Variants in CELF2 observed in about 807,000 individuals in gnomAD.
The protein encoded by CELF2 is CUGBP Elav-like family member 2, also known as CUG triplet repeat RNA-binding protein 2.
A neutral mutation model predicts 62.6 loss-of-function variants in CELF2; 8 were observed. That is an observed-to-expected ratio of 0.13 (90% CI 0.07 to 0.23). CELF2 has a LOEUF of 0.23. CELF2 is among the 10% of genes least tolerant of loss of function. The pLI is 1.00. For missense variants in CELF2, 333 were observed against 671.0 expected (o/e 0.50, Z 5.56); for synonymous variants, 258 against 250.0 (o/e 1.03, Z -0.30).
intron 2 of CELF2, among the ~76,000 whole-genome samples, chr10:11,195,009 A>G (rs1330881709): frequency 6.6e-6 from 1 of 152,152 alleles, no homozygotes; most frequent in African/African-American, 2.4e-5. Context: ...TGTGGCACTC[A>G]TCCCATCTCA....
At chr10:10,835,405 T>C (rs1221035055) in intron 1 of CELF2, among the ~76,000 whole-genome samples, 3 of 149,470 alleles carry the variant, frequency 2.0e-5, no homozygotes, top group Admixed American at 6.7e-5. Flanking sequence ...TTTTCTGATA[T>C]GAAGTTTTGC....
rs1450083973 is a variant in CELF2, at chr10:11,177,150, T to G, written c.271+11468T>G. On this transcript the variant is annotated intron_variant, in intron 2 of 12. Coordinates refer to ENST00000633077, the MANE Select transcript of CELF2 (RefSeq NM_001326342.2). This position sits in a 1 kb window ranked among gnomAD's most constrained non-coding sequence, Gnocchi z 4.8. Reference sequence around the variant, plus strand: ...AGGAAGTAAACATGTTAATACTAGCTTTCATAAATCCCCCTCTCTAAAAAA... The same window carrying G: ...AGGAAGTAAACATGTTAATACTAGCGTTCATAAATCCCCCTCTCTAAAAAA... 6.6e-6 allele frequency among the ~76,000 whole-genome samples: 1 copy of G among 152,138 alleles called. No individual in the cohort carries two copies. The highest frequency in any genetic ancestry group is 1.5e-5 in the Non-Finnish European group (1 of 68,022).
Position 11,212,737 on chromosome 10 carries a change from G to GTTT in CELF2, c.272-4669_272-4667dup, listed in dbSNP as rs11354880. ...AGGATGGTGTTTTTTTGTGTTTTGG[G>GTTT]TTTTTTTTTTTTTTTTTTTTTGCTT... On this transcript the variant is annotated intron_variant, in intron 2 of 12. Coordinates refer to ENST00000633077, the MANE Select transcript of CELF2 (RefSeq NM_001326342.2). 5.4e-3 allele frequency among the ~76,000 whole-genome samples: 492 copies of GTTT among 91,954 alleles called. 7 individuals carry two copies. The highest frequency in any genetic ancestry group is 0.032 in the East Asian group (89 of 2,820). The allele number at this position is 91,954 out of a possible 152,430, so 60.3% of individuals were successfully genotyped here.
At chr10:11,168,018 C>T (rs2067742011) in intron 2 of CELF2, among the ~76,000 whole-genome samples, 1 of 152,178 alleles carries the variant, frequency 6.6e-6, no homozygotes, top group Non-Finnish European at 1.5e-5. Context: ...CAGAGTAGCC[C>T]TGGTGTGCTG....
chr10:11,132,613 GA>G, intron 1 of CELF2, among the ~76,000 whole-genome samples: 1 of 152,228 alleles, frequency 6.6e-6, no homozygotes, highest in African/African-American at 2.4e-5. Flanking sequence ...TTCAATTGCA[GA>G]AAGTTACAGC....
the CELF2 span, among the ~76,000 whole-genome samples, chr10:10,535,155 A>G: frequency 6.6e-6 from 1 of 152,216 alleles, no homozygotes; most frequent in African/African-American, 2.4e-5. Flanking sequence ...ATACTGGCAG[A>G]TGAAATCAAC....
At chr10:11,226,376 G>A (rs1013808308) in intron 3 of CELF2, among the ~76,000 whole-genome samples, 11 of 152,212 alleles carry the variant, frequency 7.2e-5, no homozygotes, top group Admixed American at 2.0e-4. Flanking sequence ...CAGGCTTGCC[G>A]GTCCCGGCAA....
chr10:11,271,638 A>C (rs1001261158), intron 7 of CELF2, among the ~76,000 whole-genome samples: 1 of 152,160 alleles, frequency 6.6e-6, no homozygotes, highest in Non-Finnish European at 1.5e-5. Context: ...TTGGAACATA[A>C]GTGCTGGACT....
At chr10:10,853,392 C>T (rs963115606) in intron 1 of CELF2, among the ~76,000 whole-genome samples, 7 of 151,894 alleles carry the variant, frequency 4.6e-5, no homozygotes, top group African/African-American at 1.7e-4. Flanking sequence ...GGTAGGGGGG[C>T]AGTTGGGGAG....
chr10:10,654,974 T>C, the CELF2 span, among the ~76,000 whole-genome samples: 8 of 143,924 alleles, frequency 5.6e-5, no homozygotes, highest in East Asian at 2.0e-4. Context: ...AAAACCCCAT[T>C]GTCTCAGCCC....
chr10:11,215,009 C>T (rs1253705587), intron 2 of CELF2, among the ~76,000 whole-genome samples: 1 of 152,158 alleles, frequency 6.6e-6, no homozygotes, highest in South Asian at 2.1e-4. Flanking sequence ...CTGTCCGTTT[C>T]TGAAAAACAA....
the CELF2 span, among the ~76,000 whole-genome samples, chr10:10,752,611 A>G: frequency 7.1e-6 from 1 of 140,190 alleles, no homozygotes; most frequent in African/African-American, 2.7e-5. Flanking sequence ...AATCGCTTGA[A>G]CCCGGGAGGT....
the CELF2 span, among the ~76,000 whole-genome samples, chr10:10,565,000 G>A: frequency 6.6e-6 from 1 of 152,176 alleles, no homozygotes; most frequent in African/African-American, 2.4e-5. Flanking sequence ...AGAAATGCAC[G>A]CTCAGGGAAA....
rs559892666 is a variant in CELF2 at position 11,070,494 on chromosome 10, C to T, written c.74+52331C>T. Among the ~76,000 whole-genome samples the T allele has an allele frequency of 2.6e-5, 4 of 152,314 alleles. No individual in the cohort carries two copies. In the South Asian group the frequency reaches 8.3e-4, roughly 32 times the overall value. On this transcript the variant is annotated intron_variant, in intron 1 of 12. Transcript: ENST00000633077. ...GATGGCATTTGAGGTGATTTTGAACCAGGCACTTGTGCATACAGGACTGGG... is the reference window on the plus strand; with the variant it reads ...GATGGCATTTGAGGTGATTTTGAACTAGGCACTTGTGCATACAGGACTGGG...
chr10:10,605,898 G>A, the CELF2 span, among the ~76,000 whole-genome samples: 9 of 152,332 alleles, frequency 5.9e-5, no homozygotes, highest in African/African-American at 2.2e-4. Flanking sequence ...CTAGGAAATT[G>A]CTGGTCTGTA....
chr10:10,714,462 C>A, the CELF2 span, among the ~76,000 whole-genome samples: 1 of 152,124 alleles, frequency 6.6e-6, no homozygotes, highest in Non-Finnish European at 1.5e-5. Context: ...ACATGTTTAG[C>A]TTCAAGAGGA....
At chr10:10,736,536 A>G in the CELF2 span, among the ~76,000 whole-genome samples, 1 of 151,922 alleles carries the variant, frequency 6.6e-6, no homozygotes, top group Non-Finnish European at 1.5e-5. Context: ...TGAACGAATA[A>G]GACAACTTAA....
chr10:11,087,700 C>G (rs552410284), intron 1 of CELF2, among the ~76,000 whole-genome samples: 1 of 152,212 alleles, frequency 6.6e-6, no homozygotes, highest in Non-Finnish European at 1.5e-5. Context: ...CCCACAGAAA[C>G]ATCGTCTTAT....
At chr10:10,764,836 T>C in the CELF2 span, among the ~76,000 whole-genome samples, 1 of 152,186 alleles carries the variant, frequency 6.6e-6, no homozygotes, top group Non-Finnish European at 1.5e-5. Context: ...GAGTATCTGC[T>C]TGTACATCTT....
Sources: gnomAD v4.1 joint callset for allele counts (sites outside exome capture counted in the v4.1 genomes callset) on GRCh38, gnomAD v4.1.1 for gene constraint, Gnocchi (gnomAD v3.1) non-coding constraint, MANE v1.5 for transcripts, NCBI Gene and HGNC (gene_info 2026-07-23, HGNC 2026-07-21) for gene names.